Variants in MATN2 observed in about 807,000 individuals in gnomAD.
The protein encoded by MATN2 is matrilin-2.
A neutral mutation model predicts 103.2 loss-of-function variants in MATN2; 69 were observed. The ratio of observed to expected loss-of-function variants is 0.67; its 90% CI spans 0.55 to 0.82. The LOEUF is 0.82. Among genes scored for constraint, MATN2 ranks in the 40% least tolerant of loss-of-function variants. MATN2 has a pLI of 0.00. For missense variants in MATN2, 1,023 were observed against 1,211.5 expected, an observed-to-expected ratio of 0.84 and a Z score of 2.31; for synonymous variants, 429 against 450.2, an observed-to-expected ratio of 0.95 and a Z score of 0.60.
intron 10 of MATN2, among the ~76,000 whole-genome samples, chr8:98,011,336 AG>A (rs138159928): frequency 0.051 from 7,782 of 152,190 alleles, 656 homozygotes; most frequent in African/African-American, 0.18. Context: ...AGCAGGGAGT[AG>A]GGGGAGGGGA....
chr8:97,979,323 A>G (rs1396736276), intron 6 of MATN2, among the ~76,000 whole-genome samples: 1 of 152,248 alleles, frequency 6.6e-6, no homozygotes, highest in African/African-American at 2.4e-5. Flanking sequence ...GCCCATCAGC[A>G]CTAACAGGGC....
At chr8:97,964,505 A>G (rs1373029848) in intron 5 of MATN2, among the ~76,000 whole-genome samples, 4 of 147,308 alleles carry the variant, frequency 2.7e-5, no homozygotes, top group African/African-American at 1.0e-4. Flanking sequence ...CCAGGCCATG[A>G]TCACAGCTTT....
At chr8:98,027,312 T>C (rs994551016) in intron 13 of MATN2, 104 bp from the exon 14 acceptor site, 6 of 982,944 alleles carry the variant, frequency 6.1e-6, no homozygotes, top group Middle Eastern at 3.2e-4. Flanking sequence ...ACAAAACTGG[T>C]TCCCCAAAGT....
At chr8:97,965,398 A>C (rs1006160183) in intron 5 of MATN2, among the ~76,000 whole-genome samples, 1 of 152,206 alleles carries the variant, frequency 6.6e-6, no homozygotes, top group Non-Finnish European at 1.5e-5. Context: ...AGAAGTGGGA[A>C]GACCAGATAG....
intron 1 of MATN2, among the ~76,000 whole-genome samples, chr8:97,875,544 C>A (rs868827669): frequency 6.6e-6 from 1 of 152,140 alleles, no homozygotes. Context: ...CACCCATAGC[C>A]CCCTTTGGAC....
At chr8:97,949,189 A>T (rs1448423060) in intron 4 of MATN2, among the ~76,000 whole-genome samples, 4 of 55,080 alleles carry the variant, frequency 7.3e-5, no homozygotes, top group Non-Finnish European at 1.2e-4. Context: ...TTTTTTTTTG[A>T]GACAGAGTCT....
chr8:97,974,736 C>G (rs1176476512), intron 5 of MATN2, among the ~76,000 whole-genome samples: 1 of 152,224 alleles, frequency 6.6e-6, no homozygotes, highest in South Asian at 2.1e-4. Context: ...TGAGCCACCG[C>G]GTCCAGCCCC....
chr8:97,884,040 T>C (rs976181168), intron 1 of MATN2, among the ~76,000 whole-genome samples: 2 of 152,226 alleles, frequency 1.3e-5, no homozygotes, highest in African/African-American at 4.8e-5. Context: ...TGTATGTCAT[T>C]ATTAGGATAA....
At chr8:97,985,244 G>A (rs764174222) in intron 6 of MATN2, among the ~76,000 whole-genome samples, 5 of 152,150 alleles carry the variant, frequency 3.3e-5, no homozygotes, top group Admixed American at 6.5e-5. Flanking sequence ...AGGATGAGGC[G>A]GTGCTCTTTT....
At chr8:97,892,265 T>C (rs1392204763) in intron 2 of MATN2, among the ~76,000 whole-genome samples, 1 of 148,622 alleles carries the variant, frequency 6.7e-6, no homozygotes, top group African/African-American at 2.5e-5. Flanking sequence ...AAAAAAAAAT[T>C]AGCCGGGTGT....
intron 5 of MATN2, among the ~76,000 whole-genome samples, chr8:97,975,860 G>A (rs79506476): frequency 0.011 from 1,603 of 152,308 alleles, 29 homozygotes; most frequent in African/African-American, 0.034. Context: ...CTCGATCTCA[G>A]TGTTCCCAGT....
chr8:97,919,975 G>C (rs1031716514), intron 2 of MATN2, among the ~76,000 whole-genome samples: 5 of 152,198 alleles, frequency 3.3e-5, no homozygotes, highest in African/African-American at 1.2e-4. Context: ...AGGGAGCAGA[G>C]GGCATGCCTA....
chr8:97,899,644 G>A (rs2512059), intron 2 of MATN2, among the ~76,000 whole-genome samples: 21 of 152,188 alleles, frequency 1.4e-4, no homozygotes, highest in Non-Finnish European at 2.2e-4. Flanking sequence ...AATTAGGCTC[G>A]CCCTAATAAC....
chr8:97,879,659 T>C (rs1818191994), intron 1 of MATN2, among the ~76,000 whole-genome samples: 1 of 152,198 alleles, frequency 6.6e-6, no homozygotes, highest in East Asian at 1.9e-4. Flanking sequence ...GGAAGCTGGC[T>C]CCCAAATTTC....
At position 97,931,133 on chromosome 8, in the gene MATN2, A is replaced by C. The variant is rs964142826; in HGVS notation, c.323A>C (p.Glu108Ala). ...LLQYGSTVKN[E>A]FSLKTFKRKS... Reference sequence around the variant, plus strand: ...CAATATGGCAGCACTGTCAAGAATGAGTTCTCCCTCAAGACCTTCAAGAGG... The same window carrying C: ...CAATATGGCAGCACTGTCAAGAATGCGTTCTCCCTCAAGACCTTCAAGAGG... The change falls in exon 3 of 19, where the codon GAG becomes GCG. Residue 108 changes from glutamate to alanine, a missense_variant. Coordinates refer to ENST00000254898, the MANE Select transcript of MATN2 (RefSeq NM_002380.5). The surrounding 1 kb of genome is among the most constrained non-coding windows in gnomAD (Gnocchi z 4.1). The C allele has an allele frequency of 2.5e-6, 4 of 1,614,020 alleles. No homozygotes were observed. In the African/African-American group the frequency reaches 5.3e-5, roughly 22 times the overall value.
chr8:98,017,045 CAA>C (rs1390909812), intron 11 of MATN2, among the ~76,000 whole-genome samples: 6 of 152,028 alleles, frequency 3.9e-5, no homozygotes, highest in East Asian at 1.9e-4. Context: ...AATGGACAAA[CAA>C]AAAAAGTCAA....
chr8:97,923,625 G>A (rs146723656), intron 2 of MATN2, among the ~76,000 whole-genome samples: 61 of 151,606 alleles, frequency 4.0e-4, no homozygotes, highest in African/African-American at 1.4e-3. Context: ...GCACAATCTC[G>A]GCTCACTGCT....
At chr8:97,977,464 A>T (rs1196457856) in intron 5 of MATN2, among the ~76,000 whole-genome samples, 1 of 151,760 alleles carries the variant, frequency 6.6e-6, no homozygotes. Context: ...AGGGTTTAGG[A>T]CTCCAACATG....
chr8:97,924,187 G>T (rs2512072), intron 2 of MATN2, among the ~76,000 whole-genome samples: 100,208 of 152,050 alleles, frequency 0.66, 33,725 homozygotes, highest in East Asian at 0.94. Flanking sequence ...TTACCAGCCT[G>T]CCCCCCATAT....
Sources: allele counts gnomAD v4.1 joint callset (sites outside exome capture counted in the v4.1 genomes callset), GRCh38; gene constraint gnomAD v4.1.1; non-coding constraint Gnocchi (gnomAD v3.1); transcripts MANE v1.5; gene names NCBI Gene and HGNC (gene_info 2026-07-23, HGNC 2026-07-21).